Variants in NOTCH2NLC observed in about 807,000 individuals in gnomAD.
NOTCH2NLC encodes the protein notch 2 N-terminal like C.
In NOTCH2NLC, 4 loss-of-function variants were observed where a neutral mutation model predicts 17.7. The observed-to-expected ratio is 0.23, with a 90% CI of 0.11 to 0.52. NOTCH2NLC has a LOEUF of 0.52. Among genes scored for constraint, NOTCH2NLC ranks in the 20% least tolerant of loss-of-function variants. The pLI is 0.96. For missense variants in NOTCH2NLC, 57 were observed against 207.2 expected (o/e 0.28, Z 4.45); for synonymous variants, 18 against 86.0 (o/e 0.21, Z 4.38).
chr1:149,396,025 C>A (rs2084205468), intron 1 of NOTCH2NLC, among the ~76,000 whole-genome samples: 1 of 151,464 alleles, frequency 6.6e-6, no homozygotes, highest in South Asian at 2.1e-4. Flanking sequence ...TCAGAGTCAA[C>A]TGAGCGGCAG....
At chr1:149,415,151 C>T (rs1178806595) in intron 1 of NOTCH2NLC, among the ~76,000 whole-genome samples, 2 of 116,672 alleles carry the variant, frequency 1.7e-5, no homozygotes, top group African/African-American at 6.5e-5. Flanking sequence ...GAAGTCTTTC[C>T]ACCTTAACTA....
chr1:149,433,387 G>C (rs1210433329), intron 2 of NOTCH2NLC, among the ~76,000 whole-genome samples: 1 of 148,502 alleles, frequency 6.7e-6, no homozygotes, highest in Non-Finnish European at 1.5e-5. Context: ...CATGGCACAT[G>C]TATACCTATG....
chr1:149,398,653 C>T (rs1245214501), intron 1 of NOTCH2NLC, among the ~76,000 whole-genome samples: 2 of 151,062 alleles, frequency 1.3e-5, no homozygotes, highest in African/African-American at 2.4e-5. Context: ...CCTTAGTGTC[C>T]CTTGCCCCTC....
At chr1:149,460,532 T>G (rs1463386211) in intron 3 of NOTCH2NLC, among the ~76,000 whole-genome samples, 1 of 149,342 alleles carries the variant, frequency 6.7e-6, no homozygotes, top group Non-Finnish European at 1.5e-5. Flanking sequence ...AGAGATGGGC[T>G]TTCACCTTGT....
chr1:149,424,418 C>G (rs2084399931), intron 1 of NOTCH2NLC, among the ~76,000 whole-genome samples: 2 of 150,300 alleles, frequency 1.3e-5, no homozygotes, highest in African/African-American at 2.4e-5. Flanking sequence ...TCTGCCCCTA[C>G]TCCCAACTTC....
intron 1 of NOTCH2NLC, among the ~76,000 whole-genome samples, chr1:149,404,484 T>A: frequency 6.6e-6 from 1 of 151,080 alleles, no homozygotes; most frequent in Non-Finnish European, 1.5e-5. Context: ...TTCAATCTCT[T>A]GACTTTTAGT....
intron 1 of NOTCH2NLC, among the ~76,000 whole-genome samples, chr1:149,420,136 C>CTGGG (rs1205805899): frequency 6.7e-6 from 1 of 150,282 alleles, no homozygotes; most frequent in African/African-American, 2.4e-5. Context: ...TCCCAAAGTG[C>CTGGG]TGGGATTAAA....
rs1197858069 is a variant in NOTCH2NLC at position 149,430,992 on chromosome 1, C to T, written c.186C>T (p.Tyr62=). 1.2e-5 allele frequency: 5 copies of T among 409,976 alleles called. No individual in the cohort carries two copies. Among genetic ancestry groups the T allele is most frequent in the Middle Eastern group, 5.6e-4 (1 of 1,770 alleles). The allele number at this position is 409,976 out of a possible 1,614,324, so 25.4% of individuals were successfully genotyped here. Residue 62 remains tyrosine, a synonymous_variant, in exon 2 of 5, where the codon TAC becomes TAT. Transcript: ENST00000650865. ...TAAATGAAGGAATGTGTGTTACCTA[C>T]CACAATGGCACAGGATACTGCAAGT... ...PCVNEGMCVT[Y]HNGTGYCKCP...
At chr1:149,435,738 A>G in intron 2 of NOTCH2NLC, among the ~76,000 whole-genome samples, 1 of 132,466 alleles carries the variant, frequency 7.5e-6, no homozygotes, top group East Asian at 2.5e-4. Context: ...CTTTGAAGCT[A>G]CCCACTCTGT....
In NOTCH2NLC at chr1:149,390,823, CGGCGGCGGA is replaced by C. The variant is rs2084159855; in HGVS notation, c.39_47del (p.Gly16_Gly18del). ...GCCCAGGCGGCGGCGGCGGCGGCGG[CGGCGGCGGA>C]GGAGGCGGCGACCGAGAAGATGCCC... is the stretch of plus-strand genomic sequence containing the variant. On this transcript the variant is annotated inframe_deletion, in exon 1 of 5. Transcript: ENST00000650865. 11 of 1,324,840 alleles carry C rather than the reference CGGCGGCGGA, an allele frequency of 8.3e-6. 1 individual carries two copies. The highest frequency in any genetic ancestry group is 3.7e-5 in the South Asian group (2 of 54,516). The allele number at this position is 1,324,840 out of a possible 1,614,324, so 82.1% of individuals were successfully genotyped here.
At chr1:149,394,350 A>G (rs1211369572) in intron 1 of NOTCH2NLC, among the ~76,000 whole-genome samples, 13 of 150,894 alleles carry the variant, frequency 8.6e-5, no homozygotes, top group African/African-American at 2.9e-4. Context: ...AGAAATTTCC[A>G]TAACAAATGT....
Position 149,471,092 on chromosome 1 carries a change from TTCATATACTTATTAG to T in NOTCH2NLC, c.*6944_*6958del, listed in dbSNP as rs2084716109. Among the ~76,000 whole-genome samples the T allele has an allele frequency of 6.8e-6, 1 of 147,736 alleles. No homozygotes were observed. Among genetic ancestry groups the T allele is most frequent in the Admixed American group, 6.7e-5 (1 of 14,832 alleles). On this transcript the variant is annotated 3_prime_UTR_variant, in exon 5 of 5. Transcript: ENST00000650865. ...GATGGTTGATGATTTTCAACATCTT[TTCATATACTTATTAG>T]TCATTATGTATCTTCTTTGGAGAAT...
chr1:149,451,197 T>C, intron 2 of NOTCH2NLC, among the ~76,000 whole-genome samples: 1 of 146,706 alleles, frequency 6.8e-6, no homozygotes, highest in Middle Eastern at 3.6e-3. Context: ...ATGGAGTGGT[T>C]AGCAATTCTC....
intron 1 of NOTCH2NLC, among the ~76,000 whole-genome samples, chr1:149,421,545 A>C (rs1342533224): frequency 4.9e-5 from 7 of 141,720 alleles, no homozygotes; most frequent in Admixed American, 1.4e-4. Flanking sequence ...GTTTACTAAA[A>C]GCACAGGAAA....
chr1:149,430,701 AAC>A (rs1189735105), intron 1 of NOTCH2NLC, among the ~76,000 whole-genome samples: 1 of 150,352 alleles, frequency 6.7e-6, no homozygotes, highest in African/African-American at 2.4e-5. Context: ...GAGATACTGA[AAC>A]ACAGAGAAAT....
intron 2 of NOTCH2NLC, among the ~76,000 whole-genome samples, chr1:149,448,535 C>CAT (rs2084567837): frequency 7.2e-6 from 1 of 139,298 alleles, no homozygotes. Context: ...TTCCATAGCA[C>CAT]ATAGTAGTAT....
rs1437746031 is a variant in NOTCH2NLC, at chr1:149,393,382, G to A, written c.135+2460G>A. Among the ~76,000 whole-genome samples the A allele has an allele frequency of 9.9e-5, 15 of 151,194 alleles. 1 individual carries two copies. The East Asian group carries it at 3.0e-3, about 30-fold the overall frequency. On this transcript the variant is annotated intron_variant, in intron 1 of 4. Coordinates refer to ENST00000650865, the MANE Select transcript of NOTCH2NLC (RefSeq NM_001364013.2). ...ATCTTAAATCTTCTTAGAGTCTACA[G>A]TGAAGGCTTCTTGAATCCTCTTAAT... is the stretch of plus-strand genomic sequence containing the variant.
intron 2 of NOTCH2NLC, among the ~76,000 whole-genome samples, chr1:149,445,392 T>G: frequency 8.3e-6 from 1 of 120,248 alleles, no homozygotes; most frequent in Non-Finnish European, 1.8e-5. Flanking sequence ...GGGGACAGAG[T>G]AGGGGGGCAG....
chr1:149,391,187 C>A (rs1395508101), intron 1 of NOTCH2NLC, among the ~76,000 whole-genome samples: 1 of 38,490 alleles, frequency 2.6e-5, no homozygotes. Context: ...CACGCCTCCT[C>A]GGCAGGAGGG....
Sources: allele counts gnomAD v4.1 joint callset (sites outside exome capture counted in the v4.1 genomes callset), GRCh38; gene constraint gnomAD v4.1.1; transcripts MANE v1.5; gene names NCBI Gene and HGNC (gene_info 2026-07-23, HGNC 2026-07-21).